The following CSMD1 variants were observed in gnomAD, a reference collection of about 807,000 sequenced individuals.
CSMD1 encodes CUB and Sushi multiple domains 1.
Under a neutral mutation model 417.5 loss-of-function variants are expected in CSMD1, and 213 were observed. That is an observed-to-expected ratio of 0.51 (90% CI 0.46 to 0.57). The LOEUF (loss-of-function observed/expected upper bound fraction) is 0.57, where lower values mean the gene tolerates loss of function less well. CSMD1 is among the 20% of genes least tolerant of loss of function. The pLI is 0.00. For synonymous variants in CSMD1, 2,862 were observed against 1,736.8 expected, an observed-to-expected ratio of 1.65 and a Z score of -16.11; for missense variants, 6,923 against 4,529.7, an observed-to-expected ratio of 1.53 and a Z score of -15.17.
At chr8:3,099,153 C>A (rs1235434396) in intron 46 of CSMD1, among the ~76,000 whole-genome samples, 1 of 152,028 alleles carries the variant, frequency 6.6e-6, no homozygotes, top group Non-Finnish European at 1.5e-5. Flanking sequence ...GTGAAGCCAG[C>A]AGACTTCACT....
At chr8:4,319,729 C>G (rs1418025663) in intron 3 of CSMD1, among the ~76,000 whole-genome samples, 2 of 152,038 alleles carry the variant, frequency 1.3e-5, no homozygotes, top group Non-Finnish European at 2.9e-5. Context: ...GGAAAAAGAA[C>G]TGAGACTTGC....
intron 41 of CSMD1, among the ~76,000 whole-genome samples, chr8:3,140,497 C>T (rs1317568333): frequency 6.6e-6 from 1 of 152,126 alleles, no homozygotes; most frequent in African/African-American, 2.4e-5. Flanking sequence ...AGACATATTG[C>T]TCACTGGTTT....
chr8:4,630,675 G>C (rs1045883453), intron 2 of CSMD1, among the ~76,000 whole-genome samples: 2 of 152,130 alleles, frequency 1.3e-5, no homozygotes, highest in African/African-American at 4.8e-5. Flanking sequence ...AACATTATAG[G>C]TTTATCTGAG....
Position 3,905,767 on chromosome 8 carries a change from A to C in CSMD1, c.818+92136T>G, listed in dbSNP as rs766020401. Among the ~76,000 whole-genome samples the C allele has an allele frequency of 2.6e-5, 4 of 152,184 alleles. No individual in the cohort carries two copies. In the South Asian group the frequency reaches 8.3e-4, roughly 32 times the overall value. On this transcript the variant is annotated intron_variant, in intron 5 of 69. Coordinates refer to ENST00000635120, the MANE Select transcript of CSMD1 (RefSeq NM_033225.6). ...CTTAAAATTGGATGCTCATCACCCT[A>C]AACCTTGCTCAGAATTCTTCACCAC...
At chr8:4,086,536 C>G (rs1338598595) in intron 3 of CSMD1, among the ~76,000 whole-genome samples, 3 of 152,162 alleles carry the variant, frequency 2.0e-5, no homozygotes, top group South Asian at 2.1e-4. Flanking sequence ...CCCAATTTGT[C>G]AAGCTCTTAA....
In CSMD1 at chr8:3,003,143, T is replaced by C. The variant is rs1445502006; in HGVS notation, c.8030-3012A>G. Among the ~76,000 whole-genome samples the C allele has an allele frequency of 3.9e-5, 6 of 152,190 alleles. No homozygotes were observed. In the East Asian group the frequency reaches 1.2e-3, roughly 29 times the overall value. On this transcript the variant is annotated intron_variant, in intron 52 of 69. Coordinates refer to ENST00000635120, the MANE Select transcript of CSMD1 (RefSeq NM_033225.6). ...ATTATAGTCTATTACAAATAGAGGATAACCACACAATTTCACTCACAGAAT... is the reference window on the plus strand; with the variant it reads ...ATTATAGTCTATTACAAATAGAGGACAACCACACAATTTCACTCACAGAAT...
intron 6 of CSMD1, among the ~76,000 whole-genome samples, chr8:3,746,920 G>T (rs1334602937): frequency 5.9e-5 from 9 of 152,206 alleles, no homozygotes; most frequent in African/African-American, 1.7e-4. Context: ...CAGGACACTG[G>T]CCTGTCAGCT....
chr8:3,288,060 T>C (rs1333655976), intron 25 of CSMD1, among the ~76,000 whole-genome samples: 1 of 147,566 alleles, frequency 6.8e-6, no homozygotes, highest in South Asian at 2.1e-4. Context: ...ATTGAGATAA[T>C]CATGTGGTTT....
intron 49 of CSMD1, among the ~76,000 whole-genome samples, chr8:3,063,327 G>T (rs1264622492): frequency 2.6e-5 from 4 of 152,080 alleles, no homozygotes; most frequent in African/African-American, 9.7e-5. Flanking sequence ...GAATAAAAAC[G>T]ATAGCAAAAA....
rs34720597 is a variant in CSMD1 at position 4,462,720 on chromosome 8, C to CA, written c.303-42656dup. 5.3e-3 allele frequency among the ~76,000 whole-genome samples: 801 copies of CA among 152,072 alleles called. 6 individuals carry two copies. The highest frequency in any genetic ancestry group is 0.018 in the African/African-American group (761 of 41,484). ...GTCAATTTGATTTTTGACAAGATGC[C>CA]AAAACAATCAAGAAAAAAATAGTTT... On this transcript the variant is annotated intron_variant, in intron 2 of 69. Coordinates refer to ENST00000635120, the MANE Select transcript of CSMD1 (RefSeq NM_033225.6).
intron 2 of CSMD1, among the ~76,000 whole-genome samples, chr8:4,498,732 T>G (rs923346777): frequency 6.6e-6 from 1 of 152,218 alleles, no homozygotes; most frequent in Non-Finnish European, 1.5e-5. Context: ...ATGCATCAAC[T>G]GTAATCTCTA....
intron 1 of CSMD1, among the ~76,000 whole-genome samples, chr8:4,960,149 T>C (rs1272566088): frequency 6.6e-6 from 1 of 152,196 alleles, no homozygotes; most frequent in Non-Finnish European, 1.5e-5. Flanking sequence ...TGAAATGTAC[T>C]AGACCCACAA....
At chr8:2,996,209 C>T (rs1806883086) in intron 54 of CSMD1, among the ~76,000 whole-genome samples, 1 of 152,002 alleles carries the variant, frequency 6.6e-6, no homozygotes, top group Admixed American at 6.6e-5. Context: ...GACATTTTAT[C>T]CTAACAAAAA....
intron 25 of CSMD1, among the ~76,000 whole-genome samples, chr8:3,306,949 C>A (rs1291017418): frequency 2.0e-5 from 3 of 151,906 alleles, no homozygotes; most frequent in African/African-American, 7.2e-5. Flanking sequence ...ATGTTCACAT[C>A]ATTTTCTGAA....
At chr8:4,653,923 C>G (rs1334159970) in intron 1 of CSMD1, among the ~76,000 whole-genome samples, 1 of 151,682 alleles carries the variant, frequency 6.6e-6, no homozygotes, top group Non-Finnish European at 1.5e-5. Context: ...TTTTTTTTAA[C>G]CAAAGTATAA....
rs368120046 is a variant in CSMD1, at chr8:3,474,255, T to C, written c.1449-5431A>G. Among the ~76,000 whole-genome samples the C allele has an allele frequency of 3.9e-5, 6 of 152,160 alleles. No individual in the cohort carries two copies. The South Asian group carries it at 8.3e-4, about 21-fold the overall frequency. ...AAAGGAATGAATGAATGAATATAAA[T>C]CGTCAAATAAAAATGTTTCAAGTAT... On this transcript the variant is annotated intron_variant, in intron 11 of 69. Transcript: ENST00000635120.
intron 48 of CSMD1, among the ~76,000 whole-genome samples, chr8:3,089,172 G>T (rs927255823): frequency 6.6e-6 from 1 of 152,204 alleles, no homozygotes; most frequent in African/African-American, 2.4e-5. Context: ...GAGGAGCAGG[G>T]CCTGGTCCTT....
intron 7 of CSMD1, among the ~76,000 whole-genome samples, chr8:3,621,281 G>A (rs1490512469): frequency 6.6e-6 from 1 of 152,168 alleles, no homozygotes; most frequent in Non-Finnish European, 1.5e-5. Flanking sequence ...GTTGGCAGGA[G>A]GCGTTGAATA....
chr8:4,559,262 G>C (rs992130399), intron 2 of CSMD1, among the ~76,000 whole-genome samples: 1 of 152,042 alleles, frequency 6.6e-6, no homozygotes, highest in Non-Finnish European at 1.5e-5. Context: ...GAAAACAAAA[G>C]TCCAAACTTA....
Sources: gnomAD v4.1 joint callset for allele counts (sites outside exome capture counted in the v4.1 genomes callset) on GRCh38, gnomAD v4.1.1 for gene constraint, MANE v1.5 for transcripts, NCBI Gene and HGNC (gene_info 2026-07-23, HGNC 2026-07-21) for gene names.